Variants in ANKRD30B observed in about 807,000 individuals in gnomAD.
The protein encoded by ANKRD30B is ankyrin repeat domain 30B.
A neutral mutation model predicts 202.2 loss-of-function variants in ANKRD30B; 144 were observed. The observed-to-expected ratio is 0.71, with a 90% CI of 0.62 to 0.82. The LOEUF (loss-of-function observed/expected upper bound fraction) is 0.82. Ranked by LOEUF, ANKRD30B falls within the 40% of genes least tolerant of loss-of-function variation. The pLI, the probability that ANKRD30B is intolerant of heterozygous loss-of-function variation, is 0.00. For synonymous variants in ANKRD30B, 508 were observed against 561.3 expected, an observed-to-expected ratio of 0.91 and a Z score of 1.34; for missense variants, 1,487 against 1,669.1, an observed-to-expected ratio of 0.89 and a Z score of 1.90.
the ANKRD30B span, among the ~76,000 whole-genome samples, chr18:14,911,957 T>C: frequency 6.6e-6 from 1 of 152,216 alleles, no homozygotes. Context: ...TACTGAATTA[T>C]GTACATTAAT....
chr18:14,843,538 T>C (rs1971506142), intron 39 of ANKRD30B, among the ~76,000 whole-genome samples: 1 of 140,082 alleles, frequency 7.1e-6, no homozygotes, highest in Non-Finnish European at 1.5e-5. Flanking sequence ...TCTGTTGTTC[T>C]GATTAGCTTA....
intron 39 of ANKRD30B, among the ~76,000 whole-genome samples, chr18:14,844,743 C>T (rs1971562538): frequency 6.6e-6 from 1 of 152,152 alleles, no homozygotes; most frequent in South Asian, 2.1e-4. Flanking sequence ...TCTCCAGCAC[C>T]TGTTGTTTCC....
the ANKRD30B span, among the ~76,000 whole-genome samples, chr18:14,924,896 G>T: frequency 6.6e-6 from 1 of 152,332 alleles, no homozygotes; most frequent in East Asian, 1.9e-4. Context: ...TCAGGCCCAT[G>T]TCCTGGCTAA....
intron 28 of ANKRD30B, among the ~76,000 whole-genome samples, chr18:14,810,809 C>T (rs1055341811): frequency 6.6e-6 from 1 of 151,262 alleles, no homozygotes; most frequent in East Asian, 1.9e-4. Context: ...CATTCCCATG[C>T]ATGTTTAAAT....
chr18:14,900,737 A>G, the ANKRD30B span, among the ~76,000 whole-genome samples: 2 of 152,186 alleles, frequency 1.3e-5, no homozygotes, highest in Non-Finnish European at 2.9e-5. Context: ...TCCTATGGCA[A>G]CTTCCAAAAG....
intron 1 of ANKRD30B, among the ~76,000 whole-genome samples, chr18:14,750,825 A>G (rs1196980806): frequency 1.3e-5 from 2 of 152,122 alleles, no homozygotes; most frequent in Non-Finnish European, 2.9e-5. Flanking sequence ...TTGATTATAC[A>G]TACAGACTAT....
intron 14 of ANKRD30B, among the ~76,000 whole-genome samples, chr18:14,786,779 C>G (rs971168713): frequency 2.0e-5 from 3 of 152,198 alleles, no homozygotes; most frequent in African/African-American, 7.2e-5. Flanking sequence ...GATATGATTG[C>G]TTTGTGAAGA....
chr18:14,865,964 A>G, the ANKRD30B span, among the ~76,000 whole-genome samples: 4 of 152,184 alleles, frequency 2.6e-5, no homozygotes, highest in Non-Finnish European at 5.9e-5. Flanking sequence ...TACACGTTCC[A>G]GGATTGGATA....
At chr18:14,798,822 A>C (rs1277562141) in intron 20 of ANKRD30B, among the ~76,000 whole-genome samples, 1 of 152,172 alleles carries the variant, frequency 6.6e-6, no homozygotes. Context: ...TCATTCTGGC[A>C]GTCCAACCTG....
intron 30 of ANKRD30B, among the ~76,000 whole-genome samples, chr18:14,818,528 CA>C (rs1327839719): frequency 3.3e-5 from 3 of 92,190 alleles, no homozygotes; most frequent in African/African-American, 1.1e-4. Flanking sequence ...CACCCTACAA[CA>C]GTCCCCAGAG....
the ANKRD30B span, among the ~76,000 whole-genome samples, chr18:14,927,256 A>G: frequency 1.3e-5 from 2 of 152,222 alleles, no homozygotes; most frequent in African/African-American, 4.8e-5. Context: ...ATTATAAAAA[A>G]TACCCACTAA....
At chr18:14,808,824 T>G in intron 26 of ANKRD30B, 80 bp downstream of exon 26, 1 of 1,312,296 alleles carries the variant, frequency 7.6e-7, no homozygotes, top group African/African-American at 1.5e-5. Flanking sequence ...TTATTCCCAA[T>G]GTTGTTTTCT....
chr18:14,772,518 G>C (rs917131847), intron 9 of ANKRD30B, among the ~76,000 whole-genome samples: 1 of 151,888 alleles, frequency 6.6e-6, no homozygotes, highest in Non-Finnish European at 1.5e-5. Context: ...TTCCACAATA[G>C]AGAATATATA....
the ANKRD30B span, among the ~76,000 whole-genome samples, chr18:14,864,352 C>T: frequency 4.6e-5 from 7 of 152,074 alleles, no homozygotes; most frequent in Admixed American, 3.9e-4. Context: ...CAAACCAAAC[C>T]AAACCAAACC....
the ANKRD30B span, among the ~76,000 whole-genome samples, chr18:14,938,465 T>C: frequency 6.6e-6 from 1 of 152,274 alleles, no homozygotes; most frequent in African/African-American, 2.4e-5. Flanking sequence ...CCCTTTCTCC[T>C]CTTCAGGCAT....
At chr18:14,917,022 C>A in the ANKRD30B span, among the ~76,000 whole-genome samples, 1 of 152,158 alleles carries the variant, frequency 6.6e-6, no homozygotes, top group African/African-American at 2.4e-5. Flanking sequence ...CAGCCGGGGG[C>A]TGCTCTGAGC....
At chr18:14,913,053 A>G in the ANKRD30B span, among the ~76,000 whole-genome samples, 1 of 152,266 alleles carries the variant, frequency 6.6e-6, no homozygotes, top group Non-Finnish European at 1.5e-5. Context: ...TGAGATGAGC[A>G]GAGAAGGACC....
intron 4 of ANKRD30B, among the ~76,000 whole-genome samples, chr18:14,757,018 C>G (rs1224684026): frequency 6.6e-6 from 1 of 152,024 alleles, no homozygotes; most frequent in African/African-American, 2.4e-5. Flanking sequence ...CCCTATGTGA[C>G]TGACTATTAA....
At chr18:14,865,090 T>G in the ANKRD30B span, among the ~76,000 whole-genome samples, 1 of 151,000 alleles carries the variant, frequency 6.6e-6, no homozygotes, top group South Asian at 2.1e-4. Flanking sequence ...ACACTTTCTA[T>G]TCTCCTCCCA....
Sources: gnomAD v4.1 joint callset for allele counts (sites outside exome capture counted in the v4.1 genomes callset) on GRCh38, gnomAD v4.1.1 for gene constraint, MANE v1.5 for transcripts, NCBI Gene and HGNC (gene_info 2026-07-23, HGNC 2026-07-21) for gene names.